The following TRAK1 variants were observed in gnomAD, a reference collection of about 807,000 sequenced individuals.
The protein encoded by TRAK1 is trafficking kinesin-binding protein 1.
In TRAK1, 33 loss-of-function variants were observed where a neutral mutation model predicts 92.1. The ratio of observed to expected loss-of-function variants is 0.36; its 90% CI spans 0.27 to 0.48. The LOEUF (loss-of-function observed/expected upper bound fraction) is 0.48. Ranked by LOEUF, TRAK1 falls within the 20% of genes least tolerant of loss-of-function variation. The pLI, the probability that TRAK1 is intolerant of heterozygous loss-of-function variation, is 0.99. For missense variants in TRAK1, 1,123 were observed against 1,257.9 expected (o/e 0.89, Z 1.62); for synonymous variants, 521 against 517.3 (o/e 1.01, Z -0.10).
At chr3:42,137,193 A>G (rs1486330129) in intron 2 of TRAK1, among the ~76,000 whole-genome samples, 2 of 152,158 alleles carry the variant, frequency 1.3e-5, no homozygotes, top group Non-Finnish European at 2.9e-5. Context: ...GAAAAACACA[A>G]TTTTCAGCAT....
intron 1 of TRAK1, among the ~76,000 whole-genome samples, chr3:42,035,649 G>T (rs1030210599): frequency 6.6e-6 from 1 of 152,184 alleles, no homozygotes; most frequent in Non-Finnish European, 1.5e-5. Context: ...GTTGGACTTG[G>T]CTGCTCTAAT....
intron 1 of TRAK1, among the ~76,000 whole-genome samples, chr3:42,080,147 C>G (rs1559742861): frequency 6.6e-6 from 1 of 152,126 alleles, no homozygotes; most frequent in Non-Finnish European, 1.5e-5. Context: ...GAAATGACAT[C>G]GGTTGAGGGT....
At chr3:42,014,351 G>A (rs560585420) in intron 1 of TRAK1, among the ~76,000 whole-genome samples, 1 of 152,258 alleles carries the variant, frequency 6.6e-6, no homozygotes, top group East Asian at 1.9e-4. Flanking sequence ...CCTGGATTCC[G>A]CGCTCCGGCA....
intron 5 of TRAK1, 77 bp from the exon 6 acceptor site, chr3:42,188,939 T>A: frequency 1.9e-6 from 2 of 1,063,656 alleles, no homozygotes; most frequent in Non-Finnish European, 2.9e-6. Context: ...CAAGCCCTTC[T>A]TTGTGTCTCC....
At chr3:42,061,057 A>G (rs140209233) in intron 1 of TRAK1, among the ~76,000 whole-genome samples, 5 of 152,272 alleles carry the variant, frequency 3.3e-5, no homozygotes, top group African/African-American at 1.2e-4. Context: ...TGAAAACCTA[A>G]ATGGTATGCT....
In TRAK1 at chr3:42,225,346, A is replaced by G. The variant is rs1262489418; in HGVS notation, c.*1609A>G. The stretch of plus-strand genomic sequence containing the variant: ...GAGGGTAACCTTATGTCCACCAAGG[A>G]TACTTTGAGAAAGCCCCTAAGGAAC... On this transcript the variant is annotated 3_prime_UTR_variant, in exon 16 of 16. Coordinates refer to ENST00000327628, the MANE Select transcript of TRAK1 (RefSeq NM_001042646.3). 1 of 152,244 alleles carries G rather than the reference A, an allele frequency of 6.6e-6. No individual in the cohort carries two copies. Among genetic ancestry groups the G allele is most frequent in the African/African-American group, 2.4e-5 (1 of 41,460 alleles). The allele number at this position is 152,244 out of a possible 1,614,324, so 9.4% of individuals were successfully genotyped here. A position where few individuals can be genotyped will look rare whatever the true frequency, so the allele number is the denominator to read the frequency against.
At chr3:42,136,642 T>A (rs369270082) in intron 2 of TRAK1, among the ~76,000 whole-genome samples, 2 of 149,064 alleles carry the variant, frequency 1.3e-5, no homozygotes, top group African/African-American at 2.5e-5. Flanking sequence ...GAAAAATAAA[T>A]AAAAAATAAA....
At chr3:42,153,786 A>G (rs1700226366) in intron 2 of TRAK1, among the ~76,000 whole-genome samples, 1 of 152,070 alleles carries the variant, frequency 6.6e-6, no homozygotes, top group Non-Finnish European at 1.5e-5. Context: ...TGTTAGAGGT[A>G]TTTTAAGCAT....
chr3:42,023,935 A>G (rs1424674409), intron 1 of TRAK1, among the ~76,000 whole-genome samples: 3 of 151,568 alleles, frequency 2.0e-5, no homozygotes, highest in Admixed American at 6.6e-5. Flanking sequence ...TTATATTTTT[A>G]GTAGGGATGG....
At chr3:42,159,704 G>A (rs957947944) in intron 2 of TRAK1, among the ~76,000 whole-genome samples, 4 of 152,166 alleles carry the variant, frequency 2.6e-5, no homozygotes, top group Non-Finnish European at 5.9e-5. Flanking sequence ...TAAGTTTAAC[G>A]AGGTAATGGT....
chr3:42,149,137 GC>G, intron 2 of TRAK1: 10 of 970,404 alleles, frequency 1.0e-5, no homozygotes, highest in Non-Finnish European at 1.2e-5. Flanking sequence ...AAGATGAGCG[GC>G]GAGCAGGAGA....
chr3:42,158,534 A>G (rs1700825388), intron 2 of TRAK1, among the ~76,000 whole-genome samples: 1 of 152,018 alleles, frequency 6.6e-6, no homozygotes, highest in Non-Finnish European at 1.5e-5. Flanking sequence ...CAGTATTTCA[A>G]AATGGAATGT....
At chr3:42,213,591 T>TG (rs528744968) in intron 14 of TRAK1, among the ~76,000 whole-genome samples, 105 of 152,336 alleles carry the variant, frequency 6.9e-4, no homozygotes, top group African/African-American at 2.5e-3. Context: ...TCAGGCCAGC[T>TG]GGGTGTTCCT....
intron 1 of TRAK1, among the ~76,000 whole-genome samples, chr3:42,027,727 T>C (rs560954322): frequency 6.6e-6 from 1 of 152,340 alleles, no homozygotes; most frequent in African/African-American, 2.4e-5. Flanking sequence ...TTTATTAATA[T>C]GTTTATTTCC....
At chr3:42,150,990 T>C (rs1699888886) in intron 2 of TRAK1, among the ~76,000 whole-genome samples, 1 of 152,210 alleles carries the variant, frequency 6.6e-6, no homozygotes, top group Non-Finnish European at 1.5e-5. Flanking sequence ...GAAACCATCA[T>C]TGACCTCCTT....
intron 1 of TRAK1, among the ~76,000 whole-genome samples, chr3:42,122,943 A>G (rs1236058157): frequency 2.6e-5 from 4 of 152,200 alleles, no homozygotes; most frequent in Non-Finnish European, 4.4e-5. Flanking sequence ...TCCCCCCTCC[A>G]GGACTAAAGC....
rs1403939882 is a variant in TRAK1 at position 42,209,923 on chromosome 3, G to A, written c.1901G>A (p.Gly634Asp). Residue 634 changes from glycine (G) to aspartate (D), a missense_variant, in exon 14 of 16, where the codon GGT (glycine) becomes GAT (aspartate). Gly to Asp is a moderately conservative substitution (Grantham distance 94). Around this residue, in one of 3 missense-constraint regions of TRAK1, gnomAD observed 401 missense variants for 438.9 expected, o/e 0.91. Transcript: ENST00000327628. ...CLNDFEEDDT[G>D]DHISLPRLAT... is the part of the protein sequence containing the mutation. ...AACGACTTTGAAGAAGATGACACAG[G>A]TGACCACATTTCTCTCCCACGCCTA... 1.9e-6 allele frequency: 3 copies of A among 1,614,182 alleles called. No individual in the cohort carries two copies. The Admixed American group carries it at 5.0e-5, about 27-fold the overall frequency.
At chr3:42,197,307 A>G (rs891110212) in intron 10 of TRAK1, among the ~76,000 whole-genome samples, 2 of 152,324 alleles carry the variant, frequency 1.3e-5, no homozygotes, top group Non-Finnish European at 2.9e-5. Flanking sequence ...ATAAAAGGGC[A>G]TAGTGTTTGC....
intron 1 of TRAK1, among the ~76,000 whole-genome samples, chr3:42,097,033 G>A (rs7649478): frequency 0.65 from 98,959 of 152,094 alleles, 32,566 homozygotes; most frequent in South Asian, 0.81. Context: ...CGTTTGTATG[G>A]TATGTATGTC....
Sources: gnomAD v4.1 joint callset for allele counts (sites outside exome capture counted in the v4.1 genomes callset) on GRCh38, gnomAD v4.1.1 for gene constraint, gnomAD v4.1.1 regional missense constraint, MANE v1.5 for transcripts, NCBI Gene and HGNC (gene_info 2026-07-23, HGNC 2026-07-21) for gene names.